Variants in SUPT6H observed in about 807,000 individuals in gnomAD.
SUPT6H encodes the protein transcription elongation factor SPT6.
Under a neutral mutation model 222.3 loss-of-function variants are expected in SUPT6H, and 11 were observed. That is an observed-to-expected ratio of 0.05 (90% CI 0.03 to 0.08). SUPT6H has a LOEUF of 0.08. SUPT6H is among the 10% of genes least tolerant of loss of function. The probability of loss-of-function intolerance (pLI) is 1.00; values close to 1 mark genes in which losing one functional copy is unlikely to be tolerated. For missense variants in SUPT6H, 1,422 were observed against 2,216.0 expected, an observed-to-expected ratio of 0.64 and a Z score of 7.19; for synonymous variants, 762 against 801.2, an observed-to-expected ratio of 0.95 and a Z score of 0.83.
Position 28,683,836 on chromosome 17 carries a change from A to ATTTTT in SUPT6H, c.2229+32_2229+36dup. ...ATAAAGGTGAGGACAGAGACTCATG[A>ATTTTT]TTTTTTTTTTTTTTTTGGTGACAGA... On this transcript the variant is annotated intron_variant, in intron 17 of 36. Coordinates refer to ENST00000314616, the MANE Select transcript of SUPT6H (RefSeq NM_003170.5). The ATTTTT allele has an allele frequency of 7.1e-7, 1 of 1,415,730 alleles. No homozygotes were observed. The highest frequency in any genetic ancestry group is 9.4e-7 in the Non-Finnish European group (1 of 1,061,050). The allele number at this position is 1,415,730 out of a possible 1,614,324, so 87.7% of individuals were successfully genotyped here.
At chr17:28,687,701 A>G (rs1374636579) in intron 23 of SUPT6H, among the ~76,000 whole-genome samples, 2 of 152,182 alleles carry the variant, frequency 1.3e-5, no homozygotes, top group African/African-American at 4.8e-5. Flanking sequence ...TATTTTTAGT[A>G]GAGACGGGGT....
At chr17:28,665,769 A>G (rs2029976669) in intron 1 of SUPT6H, among the ~76,000 whole-genome samples, 1 of 152,014 alleles carries the variant, frequency 6.6e-6, no homozygotes, top group African/African-American at 2.4e-5. Flanking sequence ...GTCTCAAAAA[A>G]ACGTATATGT....
At chr17:28,691,187 G>A (rs2031625842) in intron 27 of SUPT6H, 124 bp downstream of exon 27, 3 of 1,295,146 alleles carry the variant, frequency 2.3e-6, no homozygotes, top group South Asian at 2.8e-5. Context: ...CACAAAGAAG[G>A]AAGACGGACG....
At chr17:28,669,102 C>T (rs990165568) in intron 1 of SUPT6H, among the ~76,000 whole-genome samples, 6 of 152,042 alleles carry the variant, frequency 3.9e-5, no homozygotes, top group African/African-American at 4.8e-5. Context: ...TTACCAGATT[C>T]GAAATTAAAA....
At position 28,683,780 on chromosome 17, in the gene SUPT6H, C is replaced by T. The variant is rs763407759; in HGVS notation, c.2193C>T (p.Asn731=). The change falls in exon 17 of 37, where the codon AAC becomes AAT. Residue 731 remains asparagine (N), a synonymous_variant. Coordinates refer to ENST00000314616, the MANE Select transcript of SUPT6H (RefSeq NM_003170.5). ...LYVQMAKELK[N]KLLAEAKEYV... ...TGCAGATGGCCAAAGAACTCAAGAA[C>T]AAGCTGCTGGCTGAAGCCAAGGAAT... 6.2e-7 allele frequency: 1 copy of T among 1,613,632 alleles called. No individual in the cohort carries two copies. The highest frequency in any genetic ancestry group is 1.1e-5 in the South Asian group (1 of 91,048).
In SUPT6H at chr17:28,684,979, G is replaced by A. The variant is rs2031308737; in HGVS notation, c.2487+18G>A. ...AAAAGAAGGCAAGTGGCTAGGACGAGGATACTAAGTGTACATCTGGAGTAT... is the reference window on the plus strand; with the variant it reads ...AAAAGAAGGCAAGTGGCTAGGACGAAGATACTAAGTGTACATCTGGAGTAT... On this transcript the variant is annotated intron_variant, in intron 19 of 36. Coordinates refer to ENST00000314616, the MANE Select transcript of SUPT6H (RefSeq NM_003170.5). 3 of 1,604,462 alleles carry A rather than the reference G, an allele frequency of 1.9e-6. No individual in the cohort carries two copies. The highest frequency in any genetic ancestry group is 1.1e-5 in the South Asian group (1 of 90,376).
At chr17:28,677,928 T>G (rs2151623997) in intron 8 of SUPT6H, 112 bp downstream of exon 8, 1 of 1,292,340 alleles carries the variant, frequency 7.7e-7, no homozygotes, top group Middle Eastern at 1.9e-4. Flanking sequence ...TAGAAAACTG[T>G]GTGTATGTAG....
intron 1 of SUPT6H, among the ~76,000 whole-genome samples, chr17:28,665,623 C>T (rs1181517312): frequency 2.0e-5 from 3 of 152,042 alleles, no homozygotes; most frequent in East Asian, 1.9e-4. Context: ...ATTAGCTGGA[C>T]GTGGTGGTGG....
At chr17:28,694,218 C>G (rs2031798255) in intron 28 of SUPT6H, among the ~76,000 whole-genome samples, 1 of 152,176 alleles carries the variant, frequency 6.6e-6, no homozygotes, top group Admixed American at 6.5e-5. Flanking sequence ...CATGGCACAG[C>G]CCCTGTGCAC....
At chr17:28,673,339 T>C (rs370307438) in intron 1 of SUPT6H, 32 bp from the exon 2 acceptor site, 2 of 1,403,582 alleles carry the variant, frequency 1.4e-6, no homozygotes. Flanking sequence ...CATGTGTCCG[T>C]TTTTTTATCC....
Position 28,678,809 on chromosome 17 carries a change from A to T in SUPT6H, c.1207-12A>T, listed in dbSNP as rs770421879. ...GAACACAAGCTCTCATTCCTGCCCT[A>T]CTTCACCTTAGTGGACCCAGCTGCG... On this transcript the variant is annotated splice_polypyrimidine_tract_variant and intron_variant, in intron 10 of 36. Transcript: ENST00000314616. The T allele has an allele frequency of 6.2e-7, 1 of 1,614,086 alleles. No individual in the cohort carries two copies. The highest frequency in any genetic ancestry group is 8.5e-7 in the Non-Finnish European group (1 of 1,180,036).
Position 28,683,314 on chromosome 17 carries a change from A to G in SUPT6H, c.1925A>G (p.Asn642Ser). 1 of 1,614,204 alleles carries G rather than the reference A, an allele frequency of 6.2e-7. No individual in the cohort carries two copies. Among genetic ancestry groups the G allele is most frequent in the Non-Finnish European group, 8.5e-7 (1 of 1,180,038 alleles). Residue 642 changes from asparagine (N) to serine (S), a missense_variant, in exon 16 of 37, where the codon AAC (asparagine) becomes AGC (serine). Transcript: ENST00000314616. ...GCCTATTCCTTCAAGTATTTAAAGAACAAGCCTGTTAAGGAACTGAGAGAT... is the reference window on the plus strand; with the variant it reads ...GCCTATTCCTTCAAGTATTTAAAGAGCAAGCCTGTTAAGGAACTGAGAGAT... ...HYAYSFKYLKNKPVKELRDDQ... is the reference protein window; with the variant it reads ...HYAYSFKYLKSKPVKELRDDQ...
intron 7 of SUPT6H, among the ~76,000 whole-genome samples, 154 bp from the exon 8 acceptor site, chr17:28,677,561 T>G (rs1170479212): frequency 6.6e-6 from 1 of 152,112 alleles, no homozygotes; most frequent in African/African-American, 2.4e-5. Context: ...AAAAAAATGC[T>G]TATTTCATGC....
chr17:28,698,065 G>C (rs769968946), intron 32 of SUPT6H, 35 bp downstream of exon 32: 1 of 1,595,038 alleles, frequency 6.3e-7, no homozygotes, highest in South Asian at 1.1e-5. Context: ...CTGCCACTGG[G>C]GTTCATAGGC....
chr17:28,687,608 CAA>C (rs2031451780), intron 23 of SUPT6H, 137 bp downstream of exon 23: 1 of 1,006,360 alleles, frequency 9.9e-7, no homozygotes, highest in East Asian at 2.6e-5. Flanking sequence ...TAGTGAGAGT[CAA>C]AAGAGTCTGA....
In SUPT6H at chr17:28,677,770, A is replaced by C. The variant is rs969052574; in HGVS notation, c.953A>C (p.Asp318Ala). The change falls in exon 8 of 37, where the codon GAC becomes GCC. Residue 318 changes from aspartate to alanine, a missense_variant. Physicochemically the swap from Asp to Ala is moderately radical, Grantham distance 126. Coordinates refer to ENST00000314616, the MANE Select transcript of SUPT6H (RefSeq NM_003170.5). ...AEDDELEEEA[D>A]WIYRNAFATP... ...GATGATGAACTAGAAGAAGAAGCTG[A>C]CTGGATCTACAGGAATGCTTTTGCC... 8.7e-6 allele frequency: 14 copies of C among 1,614,132 alleles called. No individual in the cohort carries two copies. Among genetic ancestry groups the C allele is most frequent in the Non-Finnish European group, 1.1e-5 (13 of 1,180,046 alleles).
chr17:28,683,462 C>G (rs779852705), intron 16 of SUPT6H, 40 bp downstream of exon 16: 1 of 1,609,960 alleles, frequency 6.2e-7, no homozygotes, highest in Admixed American at 1.7e-5. Context: ...TGGGGAAGGC[C>G]TGATGAGGAG....
At position 28,690,070 on chromosome 17, in the gene SUPT6H, C is replaced by T. The variant is rs748046888; in HGVS notation, c.3343-12C>T. The stretch of plus-strand genomic sequence containing the variant: ...CAGCTGCAAGGCTCTTCTTGATGGG[C>T]TTCTTCCCCAGGGCTATGGTGACAA... On this transcript the variant is annotated splice_polypyrimidine_tract_variant and intron_variant, in intron 25 of 36. Transcript: ENST00000314616. The T allele has an allele frequency of 6.2e-7, 1 of 1,605,400 alleles. No individual in the cohort carries two copies. Among genetic ancestry groups the T allele is most frequent in the Admixed American group, 1.7e-5 (1 of 59,396 alleles).
At chr17:28,669,115 CAGTG>C (rs573138791) in intron 1 of SUPT6H, among the ~76,000 whole-genome samples, 177 of 152,346 alleles carry the variant, frequency 1.2e-3, no homozygotes, top group Non-Finnish European at 2.0e-3. Context: ...AATTAAAACT[CAGTG>C]AGACATTTAA....
Sources: gnomAD v4.1 joint callset for allele counts (sites outside exome capture counted in the v4.1 genomes callset) on GRCh38, gnomAD v4.1.1 for gene constraint, MANE v1.5 for transcripts, NCBI Gene and HGNC (gene_info 2026-07-23, HGNC 2026-07-21) for gene names.